The following PRKDC variants were observed in gnomAD, a reference collection of about 807,000 sequenced individuals.
PRKDC encodes DNA-dependent protein kinase catalytic subunit.
A neutral mutation model predicts 486.9 loss-of-function variants in PRKDC; 82 were observed. The ratio of observed to expected loss-of-function variants is 0.17; its 90% confidence interval spans 0.14 to 0.20. The LOEUF (loss-of-function observed/expected upper bound fraction) is 0.20, where lower values mean the gene tolerates loss of function less well. PRKDC is among the 10% of genes least tolerant of loss of function. The pLI is 1.00. For missense variants in PRKDC, 4,504 were observed against 5,038.2 expected, an observed-to-expected ratio of 0.89 and a Z score of 3.21; for synonymous variants, 1,895 against 1,837.0, an observed-to-expected ratio of 1.03 and a Z score of -0.81.
In PRKDC at chr8:47,897,165, C is replaced by A; in HGVS notation, c.3594G>T (p.Leu1198Phe). Reference sequence around the variant, plus strand: ...AAGATATACAGATTACCATACCTGGCAATAAAGGAACGAATTTATAAAAGA... The same window carrying A: ...AAGATATACAGATTACCATACCTGGAAATAAAGGAACGAATTTATAAAAGA... ...IELFYKFVPL[L>F]PGNRSPNLWL... The change falls in exon 30 of 86, where the codon TTG (leucine) becomes TTT (phenylalanine). Residue 1198 changes from leucine (L) to phenylalanine (F), a missense_variant. Physicochemically the swap from Leu to Phe is conservative, Grantham distance 22. Around this residue, in one of 6 missense-constraint regions of PRKDC, gnomAD observed 1,969 missense variants for 2,068.9 expected, o/e 0.95. Transcript: ENST00000314191. 6.3e-7 allele frequency: 1 copy of A among 1,593,404 alleles called. No homozygotes were observed. The highest frequency in any genetic ancestry group is 8.6e-7 in the Non-Finnish European group (1 of 1,163,598).
chr8:47,841,798 C>T (rs540936089), intron 54 of PRKDC, among the ~76,000 whole-genome samples: 1 of 152,328 alleles, frequency 6.6e-6, no homozygotes, highest in East Asian at 1.9e-4. Flanking sequence ...AAACACCTAA[C>T]AGCCCAGTGA....
At chr8:47,901,193 G>C (rs1442129728) in intron 27 of PRKDC, among the ~76,000 whole-genome samples, 4 of 151,082 alleles carry the variant, frequency 2.6e-5, no homozygotes. Context: ...CTTAAAACAT[G>C]AAACAGGTGC....
intron 31 of PRKDC, among the ~76,000 whole-genome samples, 198 bp downstream of exon 31, chr8:47,892,941 A>G (rs1436396077): frequency 2.0e-5 from 3 of 152,212 alleles, no homozygotes; most frequent in Non-Finnish European, 4.4e-5. Context: ...TTTCAATTAT[A>G]TAAAGCTATG....
intron 54 of PRKDC, among the ~76,000 whole-genome samples, chr8:47,846,484 G>C (rs564313380): frequency 6.7e-6 from 1 of 150,188 alleles, no homozygotes; most frequent in Admixed American, 6.6e-5. Flanking sequence ...CAACAAACCA[G>C]GCATCAAAGG....
At chr8:47,781,267 T>C (rs1392832707) in intron 80 of PRKDC, among the ~76,000 whole-genome samples, 5 of 152,174 alleles carry the variant, frequency 3.3e-5, no homozygotes, top group Non-Finnish European at 7.3e-5. Context: ...CCAGGGAAAG[T>C]AGAAACAATT....
chr8:47,874,820 C>G (rs1016978283), intron 40 of PRKDC, among the ~76,000 whole-genome samples: 1 of 151,204 alleles, frequency 6.6e-6, no homozygotes, highest in Non-Finnish European at 1.5e-5. Context: ...TTTGGAAGGC[C>G]GAGGCAGGCA....
chr8:47,824,031 C>A (rs776017761), intron 63 of PRKDC, 35 bp from the exon 64 acceptor site: 1 of 1,533,304 alleles, frequency 6.5e-7, no homozygotes, highest in Non-Finnish European at 8.8e-7. Flanking sequence ...AATCAATGAA[C>A]ACTCCAGTAT....
In PRKDC at chr8:47,913,987, T is replaced by C. The variant is rs1365773165; in HGVS notation, c.2695A>G (p.Arg899Gly). 12 of 1,609,458 alleles carry C rather than the reference T, an allele frequency of 7.5e-6. No individual in the cohort carries two copies. The highest frequency in any genetic ancestry group is 1.0e-5 in the Non-Finnish European group (12 of 1,177,688). Residue 899 changes from arginine to glycine, a missense_variant, in exon 24 of 86, where the codon AGA (arginine) becomes GGA (glycine). By Grantham distance (125) the Arg-to-Gly change is moderately radical. This residue lies in a region of PRKDC where 1,969 missense variants were observed against 2,068.9 expected (regional missense o/e 0.95). Transcript: ENST00000314191. ...EKRLSFAVPF[R>G]EMKPVIFLDV... Reference sequence around the variant, plus strand: ...AGGAAAATGACAGGTTTCATCTCTCTAAAGGGCACTGCAAAGCTCAGCCGC... The same window carrying C: ...AGGAAAATGACAGGTTTCATCTCTCCAAAGGGCACTGCAAAGCTCAGCCGC...
intron 7 of PRKDC, among the ~76,000 whole-genome samples, chr8:47,948,101 C>T (rs2090565656): frequency 7.3e-6 from 1 of 137,188 alleles, no homozygotes; most frequent in Non-Finnish European, 1.5e-5. Context: ...TATATTTGCA[C>T]ACACACACAC....
rs377291859 is a variant in PRKDC at position 47,810,707 on chromosome 8, C to T, written c.9558-3381G>A. On this transcript the variant is annotated intron_variant, in intron 68 of 85. Coordinates refer to ENST00000314191, the MANE Select transcript of PRKDC (RefSeq NM_006904.7). ...CACACATGCAATAAATGAAAAGGTGCGCATCTCAGTAGAAAAAGAGAAAAT... is the reference window on the plus strand; with the variant it reads ...CACACATGCAATAAATGAAAAGGTGTGCATCTCAGTAGAAAAAGAGAAAAT... Among the ~76,000 whole-genome samples the T allele has an allele frequency of 3.9e-5, 6 of 152,154 alleles. No homozygotes were observed. The East Asian group carries it at 5.8e-4, about 15-fold the overall frequency.
chr8:47,941,481 C>T (rs965093562), intron 10 of PRKDC, among the ~76,000 whole-genome samples: 4 of 152,144 alleles, frequency 2.6e-5, no homozygotes, highest in Non-Finnish European at 5.9e-5. Flanking sequence ...CAGGGTGGGG[C>T]CCCAAGGGAA....
chr8:47,809,823 G>A (rs1282004027), intron 68 of PRKDC, among the ~76,000 whole-genome samples: 1 of 152,126 alleles, frequency 6.6e-6, no homozygotes, highest in Non-Finnish European at 1.5e-5. Context: ...ATCAAAACTG[G>A]GAAGGTCTGC....
At chr8:47,816,853 A>G (rs1036043968) in intron 68 of PRKDC, among the ~76,000 whole-genome samples, 2 of 152,124 alleles carry the variant, frequency 1.3e-5, no homozygotes, top group African/African-American at 4.8e-5. Flanking sequence ...TGGAGGAAAT[A>G]ATGGGAGACC....
At chr8:47,797,797 G>A (rs1589702867) in intron 73 of PRKDC, among the ~76,000 whole-genome samples, 1 of 152,222 alleles carries the variant, frequency 6.6e-6, no homozygotes, top group East Asian at 1.9e-4. Flanking sequence ...CATGCTCCCA[G>A]ACCCCTCTGG....
chr8:47,915,261 A>T lies in PRKDC; in HGVS notation c.2617+67T>A, dbSNP rs1589789408. ...GAGCAAATATTCAGAATATATTATG[A>T]CCTGGATACATCCAAATAAAAGCAC... On this transcript the variant is annotated intron_variant, in intron 23 of 85. Coordinates refer to ENST00000314191, the MANE Select transcript of PRKDC (RefSeq NM_006904.7). The T allele has an allele frequency of 8.1e-6, 7 of 859,900 alleles. No individual in the cohort carries two copies. The East Asian group carries it at 2.0e-4, about 24-fold the overall frequency. The allele number at this position is 859,900 out of a possible 1,614,324, so 53.3% of individuals were successfully genotyped here. A position where few individuals can be genotyped will look rare whatever the true frequency, so the allele number is the denominator to read the frequency against.
intron 9 of PRKDC, 115 bp downstream of exon 9, chr8:47,943,738 T>G: frequency 1.1e-6 from 1 of 941,454 alleles, no homozygotes; most frequent in South Asian, 1.7e-5. Context: ...TAACTGTGTG[T>G]GAAACATCAC....
intron 68 of PRKDC, among the ~76,000 whole-genome samples, chr8:47,813,041 C>T (rs76586074): frequency 0.023 from 3,535 of 151,604 alleles, 142 homozygotes; most frequent in African/African-American, 0.08. Context: ...AGAAAATGGA[C>T]AAAGTGATTG....
Position 47,858,947 on chromosome 8 carries a change from G to C in PRKDC, c.6247C>G (p.Leu2083Val). 2 of 1,613,612 alleles carry C rather than the reference G, an allele frequency of 1.2e-6. No individual in the cohort carries two copies. Among genetic ancestry groups the C allele is most frequent in the East Asian group, 2.2e-5 (1 of 44,872 alleles). ...TGCCGATTGAGCTCGTCCATCTCCA[G>C]CTCCAGCACATCATCATGCACCGTG... ...DPTVHDDVLE[L>V]EMDELNRHEC... The change falls in exon 47 of 86, where the codon CTG becomes GTG. Residue 2083 changes from leucine to valine, a missense_variant. This residue lies in a region of PRKDC where 1,592 missense variants were observed against 1,724.6 expected (regional missense o/e 0.92). Transcript: ENST00000314191.
chr8:47,870,172 T>A (rs182033603), intron 40 of PRKDC, among the ~76,000 whole-genome samples: 122 of 152,274 alleles, frequency 8.0e-4, no homozygotes, highest in African/African-American at 2.8e-3. Flanking sequence ...GTACAGCCAC[T>A]GGGCCTTGAA....
Sources: gnomAD v4.1 joint callset for allele counts (sites outside exome capture counted in the v4.1 genomes callset) on GRCh38, gnomAD v4.1.1 for gene constraint, gnomAD v4.1.1 regional missense constraint, MANE v1.5 for transcripts, NCBI Gene and HGNC (gene_info 2026-07-23, HGNC 2026-07-21) for gene names.